Variants in NIPAL1 observed in about 807,000 individuals in gnomAD.
NIPAL1 encodes NIPA like domain containing 1.
Under a neutral mutation model 37.7 loss-of-function variants are expected in NIPAL1, and 35 were observed. The observed-to-expected ratio is 0.93, with a 90% CI of 0.71 to 1.23. The LOEUF is 1.23. Among genes scored for constraint, NIPAL1 ranks in the 50% most tolerant of loss-of-function variants. The pLI is 0.00. For synonymous variants in NIPAL1, 162 were observed against 183.0 expected, an observed-to-expected ratio of 0.89 and a Z score of 0.93; for missense variants, 412 against 473.9, an observed-to-expected ratio of 0.87 and a Z score of 1.21.
intron 1 of NIPAL1, 89 bp downstream of exon 1, chr4:48,016,974 AG>A (rs1715430185): frequency 1.8e-6 from 2 of 1,112,278 alleles, no homozygotes; most frequent in East Asian, 2.6e-5. Context: ...GAGACTGGAA[AG>A]GGGGGCTGTA....
At position 48,035,861 on chromosome 4, in the gene NIPAL1, C is replaced by G. The variant is rs1367364095; in HGVS notation, c.922C>G (p.Pro308Ala). 1.2e-6 allele frequency: 2 copies of G among 1,613,908 alleles called. No individual in the cohort carries two copies. The highest frequency in any genetic ancestry group is 2.2e-5 in the South Asian group (2 of 91,078). ...CACCTTTAATACCTCTCTTGTGACA[C>G]CCATTTATTATGTATTCTTCACATC... ...LDTFNTSLVT[P>A]IYYVFFTSMV... The change falls in exon 6 of 6, where the codon CCC becomes GCC. Residue 308 changes from proline (P) to alanine (A), a missense_variant. Coordinates refer to ENST00000295461, the MANE Select transcript of NIPAL1 (RefSeq NM_207330.3).
intron 1 of NIPAL1, among the ~76,000 whole-genome samples, chr4:48,019,794 C>T (rs1335190139): frequency 6.6e-6 from 1 of 152,160 alleles, no homozygotes; most frequent in Non-Finnish European, 1.5e-5. Flanking sequence ...ATCAGACCTA[C>T]TTGTCTAAAG....
At position 48,038,697 on chromosome 4, in the gene NIPAL1, C is replaced by G. The variant is rs1435008876; in HGVS notation, c.*2525C>G. ...AATATTAAGAACTTTATTGATCTCT[C>G]TAGGACACCTTGGTGAGGAAATTAA... On this transcript the variant is annotated 3_prime_UTR_variant, in exon 6 of 6. Transcript: ENST00000295461. 2 of 152,164 alleles carry G rather than the reference C, an allele frequency of 1.3e-5. No homozygotes were observed. Among genetic ancestry groups the G allele is most frequent in the Non-Finnish European group, 2.9e-5 (2 of 68,030 alleles). 9.4% of individuals were successfully genotyped at this position (152,164 alleles called of 1,614,324 possible). A position where few individuals can be genotyped will look rare whatever the true frequency, so the allele number is the denominator to read the frequency against.
chr4:48,026,269 T>C (rs1332937397), intron 2 of NIPAL1, among the ~76,000 whole-genome samples: 1 of 152,202 alleles, frequency 6.6e-6, no homozygotes, highest in Non-Finnish European at 1.5e-5. Flanking sequence ...CTTAAGATGC[T>C]AAGTAGGTCT....
At chr4:48,020,961 A>G (rs1233913461) in intron 1 of NIPAL1, among the ~76,000 whole-genome samples, 1 of 152,182 alleles carries the variant, frequency 6.6e-6, no homozygotes, top group Non-Finnish European at 1.5e-5. Flanking sequence ...TTAAATTTAT[A>G]TTATTATTCT....
At chr4:48,020,535 C>T (rs994875167) in intron 1 of NIPAL1, among the ~76,000 whole-genome samples, 1 of 152,184 alleles carries the variant, frequency 6.6e-6, no homozygotes, top group African/African-American at 2.4e-5. Flanking sequence ...AGGCTAATGT[C>T]CACCTGGGTT....
rs1311983173 is a variant in NIPAL1, at chr4:48,037,042, A to G, written c.*870A>G. The G allele has an allele frequency of 6.2e-6, 1 of 161,932 alleles. No individual in the cohort carries two copies. Among genetic ancestry groups the G allele is most frequent in the Non-Finnish European group, 1.4e-5 (1 of 73,916 alleles). The allele number at this position is 161,932 out of a possible 1,614,324, so 10.0% of individuals were successfully genotyped here. ...TCTGCACCTCCTTCTTAAACTAGAT[A>G]GCTAATTAGTTATTTTAAGAAAAAA... On this transcript the variant is annotated 3_prime_UTR_variant, in exon 6 of 6. Transcript: ENST00000295461.
At chr4:48,016,952 C>G (rs1305934273) in intron 1 of NIPAL1, 67 bp downstream of exon 1, 2 of 1,327,876 alleles carry the variant, frequency 1.5e-6, no homozygotes, top group South Asian at 1.3e-5. Flanking sequence ...GGGCGGTCCC[C>G]GGACACTTGC....
chr4:48,031,694 A>T (rs1024710034), intron 3 of NIPAL1, among the ~76,000 whole-genome samples: 1 of 152,214 alleles, frequency 6.6e-6, no homozygotes, highest in African/African-American at 2.4e-5. Context: ...AGATAAAAAT[A>T]TAAATAATAT....
At chr4:48,025,894 C>A (rs1306412813) in intron 2 of NIPAL1, among the ~76,000 whole-genome samples, 6 of 152,078 alleles carry the variant, frequency 3.9e-5, no homozygotes, top group Admixed American at 2.6e-4. Context: ...TGGTTCTGTC[C>A]CACCCCCAGG....
intron 1 of NIPAL1, among the ~76,000 whole-genome samples, chr4:48,017,723 A>G (rs917703858): frequency 1.3e-5 from 2 of 152,154 alleles, no homozygotes; most frequent in African/African-American, 4.8e-5. Flanking sequence ...ATGTAGATAC[A>G]TTGAAATGAT....
At chr4:48,033,735 A>G (rs1160269309) in intron 4 of NIPAL1, among the ~76,000 whole-genome samples, 1 of 152,206 alleles carries the variant, frequency 6.6e-6, no homozygotes, top group Non-Finnish European at 1.5e-5. Context: ...TATGATCCCA[A>G]ATGAATGTGT....
rs922499266 is a variant in NIPAL1, at chr4:48,017,004, G to T, written c.46+119G>T. 1.7e-4 allele frequency: 138 copies of T among 796,592 alleles called. 8 individuals are homozygous for T. The highest frequency in any genetic ancestry group is 4.9e-5 in the Non-Finnish European group (25 of 509,778). The allele number at this position is 796,592 out of a possible 1,614,324, so 49.3% of individuals were successfully genotyped here. A position where few individuals can be genotyped will look rare whatever the true frequency, so the allele number is the denominator to read the frequency against. ...GGCTGTACCGACTCTAAACGTAGTC[G>T]TTCACTCATTCATTCATTCAGTCAG... is the stretch of plus-strand genomic sequence containing the variant. On this transcript the variant is annotated intron_variant, in intron 1 of 5. Coordinates refer to ENST00000295461, the MANE Select transcript of NIPAL1 (RefSeq NM_207330.3).
In NIPAL1 at chr4:48,035,871, AT is replaced by A. The variant is rs762355000; in HGVS notation, c.933del (p.Tyr311Ter). 1 of 1,613,966 alleles carries A rather than the reference AT, an allele frequency of 6.2e-7. No individual in the cohort carries two copies. The highest frequency in any genetic ancestry group is 2.2e-5 in the East Asian group (1 of 44,884). Reference sequence around the variant, plus strand: ...ACCTCTCTTGTGACACCCATTTATTATGTATTCTTCACATCCATGGTAGTGA... The same window carrying A: ...ACCTCTCTTGTGACACCCATTTATTAGTATTCTTCACATCCATGGTAGTGA... Reference protein sequence around the residue: ...FNTSLVTPIYYVFFTSMVVTC... With the variant: ...FNTSLVTPIYXVFFTSMVVTC... On this transcript the variant is annotated frameshift_variant, in exon 6 of 6. Transcript: ENST00000295461. LOFTEE classifies it high-confidence loss of function.
At chr4:48,030,073 C>T (rs1166996141) in intron 2 of NIPAL1, 47 bp from the exon 3 acceptor site, 2 of 1,120,154 alleles carry the variant, frequency 1.8e-6, no homozygotes, top group Admixed American at 1.7e-5. Flanking sequence ...AAACCTTCCT[C>T]CAGTGTAGAA....
In NIPAL1 at chr4:48,027,340, T is replaced by A. The variant is rs1715715715; in HGVS notation, c.313+2006T>A. On this transcript the variant is annotated intron_variant, in intron 2 of 5. Transcript: ENST00000295461. The surrounding 1 kb of genome is among the most constrained non-coding windows in gnomAD (Gnocchi z 4.1). ...CCAATAAACATACGTAAGTAAATAT[T>A]GTTTCACTAGTACCCAAAGAGATAC... Among the ~76,000 whole-genome samples the A allele has an allele frequency of 1.3e-5, 2 of 152,320 alleles. No individual in the cohort carries two copies. The highest frequency in any genetic ancestry group is 2.1e-4 in the South Asian group (1 of 4,830).
Position 48,035,632 on chromosome 4 carries a change from A to T in NIPAL1, c.693A>T (p.Lys231Asn). 6.2e-7 allele frequency: 1 copy of T among 1,613,652 alleles called. No homozygotes were observed. Among genetic ancestry groups the T allele is most frequent in the African/African-American group, 1.3e-5 (1 of 74,978 alleles). The change falls in exon 6 of 6, where the codon AAA becomes AAT. Residue 231 changes from lysine (K) to asparagine (N), a missense_variant. Coordinates refer to ENST00000295461, the MANE Select transcript of NIPAL1 (RefSeq NM_207330.3). Reference sequence around the variant, plus strand: ...TGATTTTGATTGTGGCTCCCAAGAAAGGACAGACCAATATATTGGTTTATA... The same window carrying T: ...TGATTTTGATTGTGGCTCCCAAGAATGGACAGACCAATATATTGGTTTATA... ...LVLILIVAPK[K>N]GQTNILVYIS... is the part of the protein sequence containing the mutation.
intron 5 of NIPAL1, 86 bp from the exon 6 acceptor site, chr4:48,035,476 C>A: frequency 8.3e-7 from 1 of 1,204,764 alleles, no homozygotes; most frequent in Non-Finnish European, 1.2e-6. Flanking sequence ...AATACCTATG[C>A]TCTTAAACTC....
intron 4 of NIPAL1, among the ~76,000 whole-genome samples, chr4:48,034,429 G>A (rs1015458375): frequency 2.0e-5 from 3 of 152,032 alleles, no homozygotes; most frequent in African/African-American, 7.3e-5. Flanking sequence ...GGATACCCCT[G>A]GTCCGTTTGA....
Sources: gnomAD v4.1 joint callset for allele counts (sites outside exome capture counted in the v4.1 genomes callset) on GRCh38, gnomAD v4.1.1 for gene constraint, Gnocchi (gnomAD v3.1) non-coding constraint, MANE v1.5 for transcripts, NCBI Gene and HGNC (gene_info 2026-07-23, HGNC 2026-07-21) for gene names.